PLCZ1: variants seen among roughly 807,000 people sequenced by gnomAD.
PLCZ1 encodes the protein phospholipase C zeta 1.
PLCZ1 carries 64 observed loss-of-function variants against 76.8 expected under a neutral mutation model. That is an observed-to-expected ratio of 0.83 (90% CI 0.68 to 1.03). The LOEUF is 1.03. PLCZ1 is among the 50% of genes least tolerant of loss of function. PLCZ1 has a pLI of 0.00. For synonymous variants in PLCZ1, 248 were observed against 230.8 expected (o/e 1.07, Z -0.68); for missense variants, 751 against 713.7 (o/e 1.05, Z -0.60).
chr12:18,723,275 T>C (rs1171128166), intron 4 of PLCZ1, 36 bp downstream of exon 4: 5 of 1,541,216 alleles, frequency 3.2e-6, no homozygotes, highest in Non-Finnish European at 4.4e-6. Context: ...ACTTCACATA[T>C]AAATATTCCG....
chr12:18,728,059 T>C (rs954514571), intron 3 of PLCZ1, among the ~76,000 whole-genome samples: 6 of 152,112 alleles, frequency 3.9e-5, no homozygotes, highest in Non-Finnish European at 8.8e-5. Flanking sequence ...GAAAGACAGT[T>C]TAAGAGGGAA....
intron 12 of PLCZ1, among the ~76,000 whole-genome samples, chr12:18,690,469 C>T (rs1021030708): frequency 3.3e-5 from 5 of 152,064 alleles, no homozygotes; most frequent in East Asian, 3.9e-4. Context: ...AGGTAATCTG[C>T]CCACCTCAGC....
chr12:18,650,323 C>CTATATATATA, the PLCZ1 span, among the ~76,000 whole-genome samples: 1 of 77,976 alleles, frequency 1.3e-5, no homozygotes, highest in Admixed American at 1.2e-4. Context: ...CTCTCTCTCT[C>CTATATATATA]TCTCTCTCTA....
the PLCZ1 span, among the ~76,000 whole-genome samples, chr12:18,661,754 A>C: frequency 6.6e-6 from 1 of 152,172 alleles, no homozygotes; most frequent in Non-Finnish European, 1.5e-5. Context: ...CAGAAAACTT[A>C]GAACTACCAT....
chr12:18,705,637 G>A (rs929915159), intron 6 of PLCZ1, among the ~76,000 whole-genome samples: 4 of 151,808 alleles, frequency 2.6e-5, no homozygotes, highest in African/African-American at 7.3e-5. Flanking sequence ...AGGCTGAGGC[G>A]GGCGGATCAC....
chr12:18,688,239 A>G (rs1953479568), intron 12 of PLCZ1, 21 bp from the exon 13 acceptor site: 2 of 1,587,908 alleles, frequency 1.3e-6, no homozygotes, highest in African/African-American at 1.3e-5. Context: ...ATATATGAAT[A>G]TAAGAATTTA....
intron 3 of PLCZ1, among the ~76,000 whole-genome samples, chr12:18,724,771 T>C (rs1174157855): frequency 6.6e-6 from 1 of 152,146 alleles, no homozygotes; most frequent in Admixed American, 6.6e-5. Flanking sequence ...TTCTTATTTG[T>C]CATAAAATCT....
chr12:18,667,338 A>C, the PLCZ1 span, among the ~76,000 whole-genome samples: 4 of 152,182 alleles, frequency 2.6e-5, no homozygotes, highest in African/African-American at 9.7e-5. Context: ...AGAAGTTAAC[A>C]GTCATCAACT....
chr12:18,649,664 T>C, the PLCZ1 span, among the ~76,000 whole-genome samples: 13 of 152,156 alleles, frequency 8.5e-5, no homozygotes, highest in African/African-American at 2.9e-4. Flanking sequence ...GCTCCCACCA[T>C]TTCAATGAAA....
intron 13 of PLCZ1, 86 bp from the exon 14 acceptor site, chr12:18,684,365 T>C (rs1162535273): frequency 1.6e-6 from 2 of 1,279,562 alleles, no homozygotes; most frequent in Non-Finnish European, 2.2e-6. Flanking sequence ...AAACTTTTTC[T>C]TTTCAACCCT....
intron 3 of PLCZ1, among the ~76,000 whole-genome samples, chr12:18,733,400 G>T (rs1036064665): frequency 2.0e-5 from 3 of 152,002 alleles, no homozygotes; most frequent in African/African-American, 7.3e-5. Context: ...CTGTAAATTG[G>T]CTTTACATTT....
chr12:18,701,341 A>G (rs978420315), intron 9 of PLCZ1, among the ~76,000 whole-genome samples, 160 bp downstream of exon 9: 1 of 152,188 alleles, frequency 6.6e-6, no homozygotes, highest in Admixed American at 6.6e-5. Flanking sequence ...TAAAAAATTC[A>G]TCTTCCACCA....
At chr12:18,712,285 A>T (rs1957436525) in intron 6 of PLCZ1, among the ~76,000 whole-genome samples, 1 of 152,164 alleles carries the variant, frequency 6.6e-6, no homozygotes, top group Non-Finnish European at 1.5e-5. Context: ...GATTGCAAAA[A>T]CCTGCTCAAT....
the PLCZ1 span, among the ~76,000 whole-genome samples, chr12:18,665,414 A>T: frequency 6.6e-6 from 1 of 152,202 alleles, no homozygotes; most frequent in Non-Finnish European, 1.5e-5. Flanking sequence ...ACAAGAAAAA[A>T]AAATTGAGAA....
chr12:18,670,898 T>G, the PLCZ1 span, among the ~76,000 whole-genome samples: 1 of 152,058 alleles, frequency 6.6e-6, no homozygotes, highest in Admixed American at 6.6e-5. Flanking sequence ...CAAACACAGT[T>G]TCGGCCGGGC....
chr12:18,663,806 G>C, the PLCZ1 span, among the ~76,000 whole-genome samples: 1 of 151,942 alleles, frequency 6.6e-6, no homozygotes, highest in Non-Finnish European at 1.5e-5. Context: ...CAGAGAAAAA[G>C]GCAATATACA....
chr12:18,722,512 C>T (rs927868475), intron 4 of PLCZ1, among the ~76,000 whole-genome samples: 17 of 152,010 alleles, frequency 1.1e-4, no homozygotes, highest in Non-Finnish European at 1.9e-4. Flanking sequence ...AACTTTCATA[C>T]GCCCCTCCTA....
intron 7 of PLCZ1, 57 bp from the exon 8 acceptor site, chr12:18,701,833 ACAGT>A: frequency 3.2e-6 from 5 of 1,547,334 alleles, no homozygotes; most frequent in Non-Finnish European, 4.3e-6. Context: ...TTGCATTGTA[ACAGT>A]CACTGAAAAG....
chr12:18,737,819 T>C, intron 1 of PLCZ1, 113 bp downstream of exon 1: 6 of 306,618 alleles, frequency 2.0e-5, no homozygotes, highest in Non-Finnish European at 3.1e-5. Flanking sequence ...TCTGAGAGCC[T>C]GAGTATAAAT....
Sources: gnomAD v4.1 joint callset for allele counts (sites outside exome capture counted in the v4.1 genomes callset) on GRCh38, gnomAD v4.1.1 for gene constraint, MANE v1.5 for transcripts, NCBI Gene and HGNC (gene_info 2026-07-23, HGNC 2026-07-21) for gene names.